NEGR1: variants seen among roughly 807,000 people sequenced by gnomAD.
The protein encoded by NEGR1 is neuronal growth regulator 1.
NEGR1 carries 10 observed loss-of-function variants against 40.9 expected under a neutral mutation model. The observed-to-expected ratio is 0.24, with a 90% CI of 0.15 to 0.42. The LOEUF is 0.42. Among genes scored for constraint, NEGR1 ranks in the 10% least tolerant of loss-of-function variants. NEGR1 has a pLI of 1.00. For synonymous variants in NEGR1, 185 were observed against 166.8 expected, an observed-to-expected ratio of 1.11 and a Z score of -0.84; for missense variants, 352 against 438.9, an observed-to-expected ratio of 0.80 and a Z score of 1.77.
At chr1:71,753,645 T>C (rs1394691243) in intron 3 of NEGR1, among the ~76,000 whole-genome samples, 3 of 152,316 alleles carry the variant, frequency 2.0e-5, no homozygotes, top group South Asian at 2.1e-4. Flanking sequence ...CCCTGAATTT[T>C]CTAGTGGTTA....
At chr1:72,072,278 T>C (rs1647498489) in intron 1 of NEGR1, among the ~76,000 whole-genome samples, 1 of 152,160 alleles carries the variant, frequency 6.6e-6, no homozygotes, top group African/African-American at 2.4e-5. Context: ...TTCATCTCCA[T>C]CACCAGATGT....
At chr1:71,813,071 T>C (rs12074943) in intron 2 of NEGR1, among the ~76,000 whole-genome samples, 15,113 of 152,050 alleles carry the variant, frequency 0.099, 1,097 homozygotes, top group African/African-American at 0.2. Flanking sequence ...TTGGATTTTA[T>C]ATTTAAGTCT....
chr1:72,221,367 T>C (rs1481224985), intron 1 of NEGR1, among the ~76,000 whole-genome samples: 16 of 152,164 alleles, frequency 1.1e-4, no homozygotes, highest in Non-Finnish European at 2.4e-4. Flanking sequence ...GGGGAGACAC[T>C]GTTCAATCAA....
At chr1:72,265,689 T>G (rs536851725) in intron 1 of NEGR1, among the ~76,000 whole-genome samples, 35 of 151,152 alleles carry the variant, frequency 2.3e-4, no homozygotes, top group Non-Finnish European at 4.8e-4. Flanking sequence ...TAAGCATACC[T>G]GCTAAGAACT....
intron 3 of NEGR1, among the ~76,000 whole-genome samples, chr1:71,729,472 T>C (rs1018502048): frequency 2.6e-5 from 4 of 152,194 alleles, no homozygotes; most frequent in Admixed American, 6.5e-5. Context: ...TAGAAGATGC[T>C]TTTTTCTATT....
At position 71,779,274 on chromosome 1, in the gene NEGR1, A is replaced by G. The variant is rs189371285; in HGVS notation, c.410-2977T>C. Among the ~76,000 whole-genome samples the G allele has an allele frequency of 6.6e-5, 10 of 152,348 alleles. No homozygotes were observed. In the East Asian group the frequency reaches 1.5e-3, roughly 24 times the overall value. ...AGCCTTCCAACTTTTACTGACTATC[A>G]TGAAGGGAATAATTCTTGACCCAAA... On this transcript the variant is annotated intron_variant, in intron 2 of 6. Coordinates refer to ENST00000357731, the MANE Select transcript of NEGR1 (RefSeq NM_173808.3).
intron 1 of NEGR1, among the ~76,000 whole-genome samples, chr1:71,974,803 A>G (rs1646287523): frequency 6.6e-6 from 1 of 152,172 alleles, no homozygotes; most frequent in Non-Finnish European, 1.5e-5. Context: ...AATGCAGGTG[A>G]TCTTTGAAAA....
intron 3 of NEGR1, among the ~76,000 whole-genome samples, chr1:71,749,119 G>A (rs1485620382): frequency 6.6e-6 from 1 of 152,082 alleles, no homozygotes; most frequent in African/African-American, 2.4e-5. Flanking sequence ...AAAAAATAAT[G>A]TTTATAATCA....
chr1:71,806,402 T>C (rs1432090461), intron 2 of NEGR1, among the ~76,000 whole-genome samples: 1 of 152,030 alleles, frequency 6.6e-6, no homozygotes, highest in Non-Finnish European at 1.5e-5. Flanking sequence ...AGATTTTTAA[T>C]ACTGTAGTAT....
At chr1:71,984,238 C>T (rs932523754) in intron 1 of NEGR1, among the ~76,000 whole-genome samples, 3 of 136,166 alleles carry the variant, frequency 2.2e-5, no homozygotes, top group African/African-American at 7.6e-5. Context: ...TGTACAATTA[C>T]TTCAGGTCCT....
At chr1:71,647,846 T>C (rs1463459821) in intron 4 of NEGR1, among the ~76,000 whole-genome samples, 2 of 152,018 alleles carry the variant, frequency 1.3e-5, no homozygotes, top group Non-Finnish European at 2.9e-5. Context: ...CAGCCTGGCT[T>C]GTGACACTGT....
At chr1:71,449,475 G>C (rs1461437315) in intron 6 of NEGR1, among the ~76,000 whole-genome samples, 1 of 152,060 alleles carries the variant, frequency 6.6e-6, no homozygotes, top group Non-Finnish European at 1.5e-5. Flanking sequence ...TTTTTGATTT[G>C]GAAAACAGTC....
At chr1:71,623,379 A>G (rs566830687) in intron 4 of NEGR1, among the ~76,000 whole-genome samples, 2 of 151,864 alleles carry the variant, frequency 1.3e-5, no homozygotes, top group Non-Finnish European at 2.9e-5. Flanking sequence ...GCCTACTCAA[A>G]CCTGCATCTT....
At chr1:71,952,256 A>T (rs1181740553) in intron 1 of NEGR1, among the ~76,000 whole-genome samples, 1 of 151,992 alleles carries the variant, frequency 6.6e-6, no homozygotes, top group Non-Finnish European at 1.5e-5. Flanking sequence ...ATGTAAAGCT[A>T]AAGTTTTTAA....
intron 4 of NEGR1, among the ~76,000 whole-genome samples, chr1:71,622,203 T>C (rs888736076): frequency 6.6e-6 from 1 of 151,874 alleles, no homozygotes; most frequent in African/African-American, 2.4e-5. Flanking sequence ...CTTTCTTTCT[T>C]TCAACTTGTT....
At chr1:72,166,416 T>C (rs1019459160) in intron 1 of NEGR1, among the ~76,000 whole-genome samples, 10 of 152,104 alleles carry the variant, frequency 6.6e-5, no homozygotes, top group African/African-American at 2.2e-4. Context: ...CCAGCAATCC[T>C]ACTGCTGAGT....
intron 4 of NEGR1, among the ~76,000 whole-genome samples, chr1:71,623,512 A>G (rs1650673592): frequency 6.6e-6 from 1 of 151,936 alleles, no homozygotes; most frequent in Non-Finnish European, 1.5e-5. Flanking sequence ...GGGGGGAAAA[A>G]CATCCTAGTG....
intron 1 of NEGR1, among the ~76,000 whole-genome samples, chr1:72,104,375 G>A (rs1325103934): frequency 2.6e-5 from 4 of 152,066 alleles, no homozygotes; most frequent in South Asian, 2.1e-4. Flanking sequence ...ATGTGACCGC[G>A]GAAGCAGAGG....
intron 1 of NEGR1, among the ~76,000 whole-genome samples, chr1:72,232,358 A>G (rs2100499988): frequency 6.6e-6 from 1 of 152,112 alleles, no homozygotes; most frequent in South Asian, 2.1e-4. Context: ...TCTGTCAAAA[A>G]AAAAAAAGCA....
Sources: gnomAD v4.1 joint callset for allele counts (sites outside exome capture counted in the v4.1 genomes callset) on GRCh38, gnomAD v4.1.1 for gene constraint, MANE v1.5 for transcripts, NCBI Gene and HGNC (gene_info 2026-07-23, HGNC 2026-07-21) for gene names.